Variants in ATP2B2 observed in about 807,000 individuals in gnomAD.
The protein encoded by ATP2B2 is ATPase plasma membrane Ca2+ transporting 2.
In ATP2B2, 15 loss-of-function variants were observed where a neutral mutation model predicts 120.0. The observed-to-expected ratio is 0.12, with a 90% CI of 0.08 to 0.19. The LOEUF is 0.19. ATP2B2 is among the 10% of genes least tolerant of loss of function. The pLI is 1.00. For synonymous variants in ATP2B2, 694 were observed against 700.3 expected (o/e 0.99, Z 0.14); for missense variants, 1,045 against 1,719.8 (o/e 0.61, Z 6.94).
chr3:10,557,786 G>A (rs1265179962), intron 2 of ATP2B2, among the ~76,000 whole-genome samples: 1 of 152,182 alleles, frequency 6.6e-6, no homozygotes, highest in Non-Finnish European at 1.5e-5. Flanking sequence ...TTGAACTCCA[G>A]TCCGTGTGAG....
intron 1 of ATP2B2, among the ~76,000 whole-genome samples, chr3:10,683,664 C>T (rs1369193046): frequency 6.8e-6 from 1 of 146,558 alleles, no homozygotes; most frequent in African/African-American, 2.5e-5. Context: ...TTACCCAAAG[C>T]CTTATAGCTA....
chr3:10,369,715 C>T (rs2061171244), intron 12 of ATP2B2, among the ~76,000 whole-genome samples: 1 of 152,160 alleles, frequency 6.6e-6, no homozygotes, highest in African/African-American at 2.4e-5. Flanking sequence ...AAGATTCTCC[C>T]CCTCCCCTAG....
chr3:10,403,132 C>T (rs1311066058), intron 3 of ATP2B2, among the ~76,000 whole-genome samples: 2 of 152,188 alleles, frequency 1.3e-5, no homozygotes, highest in Non-Finnish European at 2.9e-5. Flanking sequence ...TCAGTGGCCT[C>T]ATCTGCAAAA....
intron 1 of ATP2B2, among the ~76,000 whole-genome samples, chr3:10,482,424 C>T (rs535582780): frequency 2.0e-5 from 3 of 152,250 alleles, no homozygotes; most frequent in Middle Eastern, 3.2e-3. Flanking sequence ...TGGGCCCCTG[C>T]TGCCTCAATT....
Position 10,342,691 on chromosome 3 carries a change from A to T in ATP2B2, c.2917+61T>A. On this transcript the variant is annotated intron_variant, in intron 19 of 22. Coordinates refer to ENST00000360273, the MANE Select transcript of ATP2B2 (RefSeq NM_001001331.4). This position sits in a 1 kb window ranked among gnomAD's most constrained non-coding sequence, Gnocchi z 4.4. Reference sequence around the variant, plus strand: ...GACTCGAGAATGCTGGGTGAGAGCCATGGTGCACCCAGAAGGTGATGACCC... The same window carrying T: ...GACTCGAGAATGCTGGGTGAGAGCCTTGGTGCACCCAGAAGGTGATGACCC... 1 of 1,559,840 alleles carries T rather than the reference A, an allele frequency of 6.4e-7. No individual in the cohort carries two copies. Among genetic ancestry groups the T allele is most frequent in the Non-Finnish European group, 8.8e-7 (1 of 1,132,682 alleles).
At chr3:10,646,512 T>A (rs1400440614) in intron 1 of ATP2B2, among the ~76,000 whole-genome samples, 2 of 152,106 alleles carry the variant, frequency 1.3e-5, no homozygotes, top group African/African-American at 4.8e-5. Flanking sequence ...ATATGTCTTT[T>A]GCTTGTCATC....
intron 2 of ATP2B2, among the ~76,000 whole-genome samples, chr3:10,541,201 T>A (rs1458732511): frequency 6.6e-6 from 1 of 152,184 alleles, no homozygotes; most frequent in Non-Finnish European, 1.5e-5. Flanking sequence ...ATGTTATTGA[T>A]CTTTTCAAAG....
intron 2 of ATP2B2, among the ~76,000 whole-genome samples, chr3:10,595,101 T>A (rs544127456): frequency 1.7e-4 from 26 of 152,300 alleles, no homozygotes; most frequent in Middle Eastern, 3.4e-3. Flanking sequence ...TGCCTCTGAG[T>A]TGATTGGCTC....
intron 2 of ATP2B2, among the ~76,000 whole-genome samples, chr3:10,423,385 G>A (rs552155340): frequency 6.6e-6 from 1 of 152,274 alleles, no homozygotes; most frequent in South Asian, 2.1e-4. Flanking sequence ...TCAGCTCCCT[G>A]GGGCTGGACC....
Position 10,665,416 on chromosome 3 carries a change from A to T in ATP2B2, c.-460+42499T>A, listed in dbSNP as rs950791703. Among the ~76,000 whole-genome samples, 10 of 151,938 alleles carry T rather than the reference A, an allele frequency of 6.6e-5. No individual in the cohort carries two copies. In the East Asian group the frequency reaches 7.7e-4, roughly 12 times the overall value. Reference sequence around the variant, plus strand: ...TGGGCTGTCCCTGCTGTCCCTTACTAACCTCCCACAGCTCTGTGCACGGCA... The same window carrying T: ...TGGGCTGTCCCTGCTGTCCCTTACTTACCTCCCACAGCTCTGTGCACGGCA... On this transcript the variant is annotated intron_variant, in intron 1 of 21. Transcript: ENST00000646379.
chr3:10,517,090 T>C (rs1291646912), intron 3 of ATP2B2, among the ~76,000 whole-genome samples: 1 of 152,244 alleles, frequency 6.6e-6, no homozygotes, highest in Non-Finnish European at 1.5e-5. Context: ...AAAGGTCAAG[T>C]CTGCTTCTAC....
At chr3:10,693,703 G>C (rs890871211) in intron 1 of ATP2B2, among the ~76,000 whole-genome samples, 2 of 152,284 alleles carry the variant, frequency 1.3e-5, no homozygotes, top group East Asian at 1.9e-4. Flanking sequence ...CCCTCTTGTG[G>C]GGCAATCACT....
intron 5 of ATP2B2, chr3:10,394,484 C>T (rs369540685): frequency 4.2e-6 from 2 of 471,266 alleles, no homozygotes; most frequent in African/African-American, 4.0e-5. Flanking sequence ...GGAGCCGGGA[C>T]TTGAACCCGT....
chr3:10,702,889 C>T (rs907100507), intron 1 of ATP2B2, among the ~76,000 whole-genome samples: 3 of 152,122 alleles, frequency 2.0e-5, no homozygotes, highest in Non-Finnish European at 2.9e-5. Context: ...ATGAGATTAG[C>T]GGAGGCTTGT....
At chr3:10,431,150 T>A (rs568683548) in intron 2 of ATP2B2, among the ~76,000 whole-genome samples, 1 of 152,256 alleles carries the variant, frequency 6.6e-6, no homozygotes, top group East Asian at 1.9e-4. Context: ...CTATTTTGGG[T>A]AAAGATGCTG....
chr3:10,382,102 T>G (rs937589212), intron 8 of ATP2B2, among the ~76,000 whole-genome samples: 10 of 151,984 alleles, frequency 6.6e-5, no homozygotes, highest in East Asian at 1.9e-4. Context: ...CTTGGTTCAC[T>G]GCAACGTTGA....
In ATP2B2 at chr3:10,376,832, C is replaced by T. The variant is rs535299819; in HGVS notation, c.1202-1188G>A. Among the ~76,000 whole-genome samples, 6 of 131,170 alleles carry T rather than the reference C, an allele frequency of 4.6e-5. No homozygotes were observed. In the East Asian group the frequency reaches 8.8e-4, roughly 19 times the overall value. The allele number at this position is 131,170 out of a possible 152,430, so 86.1% of individuals were successfully genotyped here. On this transcript the variant is annotated intron_variant, in intron 10 of 22. Transcript: ENST00000360273. ...TTTATCCTGAAGACAGTGGGAGTCA[C>T]GGAGGAGGTTTGAGCAGAGGAGGGC...
intron 1 of ATP2B2, among the ~76,000 whole-genome samples, chr3:10,457,310 G>T (rs558372903): frequency 9.9e-5 from 15 of 152,226 alleles, no homozygotes; most frequent in Admixed American, 5.2e-4. Context: ...GATGAGTGTG[G>T]GTGTGCAGGG....
At chr3:10,556,585 G>A (rs970584646) in intron 2 of ATP2B2, among the ~76,000 whole-genome samples, 2 of 152,180 alleles carry the variant, frequency 1.3e-5, no homozygotes, top group African/African-American at 2.4e-5. Context: ...CAGATGTTTG[G>A]AGAAGAAGGC....
Sources: gnomAD v4.1 joint callset for allele counts (sites outside exome capture counted in the v4.1 genomes callset) on GRCh38, gnomAD v4.1.1 for gene constraint, Gnocchi (gnomAD v3.1) non-coding constraint, MANE v1.5 for transcripts, NCBI Gene and HGNC (gene_info 2026-07-23, HGNC 2026-07-21) for gene names.